The following NISCH variants were observed in gnomAD, a reference collection of about 807,000 sequenced individuals.
NISCH encodes the protein I-1 receptor candidate protein.
NISCH carries 55 observed loss-of-function variants against 138.4 expected under a neutral mutation model. That is an observed-to-expected ratio of 0.40 (90% CI 0.32 to 0.50). The LOEUF (loss-of-function observed/expected upper bound fraction) is 0.50. Among genes scored for constraint, NISCH ranks in the 20% least tolerant of loss-of-function variants. The pLI is 0.71. For synonymous variants in NISCH, 860 were observed against 861.5 expected (o/e 1.00, Z 0.03); for missense variants, 1,643 against 2,005.5 (o/e 0.82, Z 3.45).
rs572377029 is a variant in NISCH at position 52,473,337 on chromosome 3, C to T, written c.670-397C>T. Among the ~76,000 whole-genome samples the T allele has an allele frequency of 2.6e-5, 4 of 152,312 alleles. No homozygotes were observed. In the South Asian group the frequency reaches 8.3e-4, roughly 32 times the overall value. ...ACCTGTGGCCTGCCCCTCCTCACCA[C>T]AAGACAGCTCAGTTCCATGGAGTGG... On this transcript the variant is annotated intron_variant, in intron 6 of 20. Coordinates refer to ENST00000345716, the MANE Select transcript of NISCH (RefSeq NM_007184.4).
rs1181968547 is a variant in NISCH, at chr3:52,490,117, G to T, written c.3499G>T (p.Val1167Leu). ...GAGGCACCTCATGTGGTCCTCGGTG[G>T]TGTTCTACCAGACCCCAGGGCTGGA... ...ELRHLMWSSV[V>L]FYQTPGLEVT... The change falls in exon 18 of 21, where the codon GTG (valine) becomes TTG (leucine). Residue 1167 changes from valine (V) to leucine (L), a missense_variant. Physicochemically the swap from Val to Leu is conservative, Grantham distance 32 (BLOSUM62 1). Transcript: ENST00000345716. 2.5e-6 allele frequency: 4 copies of T among 1,613,534 alleles called. No individual in the cohort carries two copies. The highest frequency in any genetic ancestry group is 1.3e-5 in the African/African-American group (1 of 74,920).
chr3:52,484,462 T>TGGGGGCCCC, intron 13 of NISCH, 51 bp from the exon 14 acceptor site: 5 of 788,670 alleles, frequency 6.3e-6, no homozygotes, highest in Non-Finnish European at 9.1e-6. Context: ...ACAGCCGCTC[T>TGGGGGCCCC]CCCCGCCCCA....
chr3:52,487,608 C>G lies in NISCH; in HGVS notation c.2116C>G (p.Arg706Gly). Residue 706 changes from arginine (R) to glycine (G), a missense_variant, in exon 16 of 21, where the codon CGC (arginine) becomes GGC (glycine). Coordinates refer to ENST00000345716, the MANE Select transcript of NISCH (RefSeq NM_007184.4). This position sits in a 1 kb window ranked among gnomAD's most constrained non-coding sequence, Gnocchi z 9.1. ...ADEDFLLEHI[R>G]ILKVLWCFLI... is the part of the protein sequence containing the mutation. ...CGAGGACTTCCTGCTGGAGCACATC[C>G]GCATCCTCAAGGTGCTGTGGTGCTT... 6.2e-7 allele frequency: 1 copy of G among 1,613,916 alleles called. No homozygotes were observed. The highest frequency in any genetic ancestry group is 1.3e-5 in the African/African-American group (1 of 75,036).
chr3:52,456,537 C>T (rs1706475961), intron 1 of NISCH, among the ~76,000 whole-genome samples: 1 of 152,182 alleles, frequency 6.6e-6, no homozygotes, highest in South Asian at 2.1e-4. Context: ...CAAAAACCGG[C>T]CCTGGACTAG....
In NISCH at chr3:52,487,476, G is replaced by T. The variant is rs145761574; in HGVS notation, c.1984G>T (p.Val662Leu). The stretch of plus-strand genomic sequence containing the variant: ...CTACTTTGAAATGGGGCCCCCAGAC[G>T]TGGAGGAGGAGGAGGGAGGAGGCCA... ...NRYFEMGPPD[V>L]EEEEGGGQGE... Residue 662 changes from valine to leucine, a missense_variant, in exon 16 of 21, where the codon GTG (valine) becomes TTG (leucine). Val to Leu is a conservative substitution (Grantham distance 32). Coordinates refer to ENST00000345716, the MANE Select transcript of NISCH (RefSeq NM_007184.4). The surrounding 1 kb of genome is among the most constrained non-coding windows in gnomAD (Gnocchi z 9.1). The T allele has an allele frequency of 1.9e-6, 3 of 1,602,564 alleles. No homozygotes were observed. In the South Asian group the frequency reaches 3.3e-5, roughly 18 times the overall value.
chr3:52,456,791 T>C (rs1706485666), intron 1 of NISCH, among the ~76,000 whole-genome samples: 3 of 152,196 alleles, frequency 2.0e-5, no homozygotes, highest in Admixed American at 2.0e-4. Flanking sequence ...TCCTCAGGGC[T>C]GGAGGAGGCT....
chr3:52,469,805 C>A (rs1225113598), intron 3 of NISCH, among the ~76,000 whole-genome samples: 1 of 151,872 alleles, frequency 6.6e-6, no homozygotes, highest in Non-Finnish European at 1.5e-5. Context: ...CTACCAACTA[C>A]TTGGGAGGCT....
At chr3:52,465,115 A>G (rs1706745217) in intron 3 of NISCH, among the ~76,000 whole-genome samples, 1 of 152,200 alleles carries the variant, frequency 6.6e-6, no homozygotes, top group Admixed American at 6.5e-5. Context: ...GATTTATAAC[A>G]ATATATTCCT....
chr3:52,456,163 T>C lies in NISCH; in HGVS notation c.93+429T>C, dbSNP rs142439185. Among the ~76,000 whole-genome samples, 202 of 152,150 alleles carry C rather than the reference T, an allele frequency of 1.3e-3. 1 individual carries two copies. The highest frequency in any genetic ancestry group is 4.6e-3 in the African/African-American group (192 of 41,508). ...ATGGAATCAGGGAAAAGGGTCAGGCTTCGCAGGCCTTGAAGAAAGAGAAGG... is the reference window on the plus strand; with the variant it reads ...ATGGAATCAGGGAAAAGGGTCAGGCCTCGCAGGCCTTGAAGAAAGAGAAGG... On this transcript the variant is annotated intron_variant, in intron 1 of 20. Transcript: ENST00000345716.
Position 52,488,029 on chromosome 3 carries a change from GC to G in NISCH, c.2538del (p.Gly847AlafsTer126). The part of the protein sequence containing the change: ...RQLLTFYKVA[G>X]GCQERSQGCF... ...CTGCTCACCTTCTACAAGGTGGCTG[GC>G]GGCTGCCAGGAGCGCAGCCAGGGCT... On this transcript the variant is annotated frameshift_variant, in exon 16 of 21. Coordinates refer to ENST00000345716, the MANE Select transcript of NISCH (RefSeq NM_007184.4). LOFTEE classifies it high-confidence loss of function. The G allele has an allele frequency of 6.2e-7, 1 of 1,612,076 alleles. No individual in the cohort carries two copies. Among genetic ancestry groups the G allele is most frequent in the Non-Finnish European group, 8.5e-7 (1 of 1,179,776 alleles).
Position 52,490,784 on chromosome 3 carries a change from C to A in NISCH, c.3693C>A (p.Asp1231Glu). 6.2e-7 allele frequency: 1 copy of A among 1,614,216 alleles called. No homozygotes were observed. The change falls in exon 19 of 21, where the codon GAC (aspartate) becomes GAA (glutamate). Residue 1231 changes from aspartate (D) to glutamate (E), a missense_variant. Transcript: ENST00000345716. ...AGTGCTTCGTGCTAAAGCTTAGTGACCTGCAGTCAGTCAATGTGGGGCTTT... is the reference window on the plus strand; with the variant it reads ...AGTGCTTCGTGCTAAAGCTTAGTGAACTGCAGTCAGTCAATGTGGGGCTTT... ...ISQCFVLKLSDLQSVNVGLFD... is the reference protein window; with the variant it reads ...ISQCFVLKLSELQSVNVGLFD...
At chr3:52,483,017 G>C (rs1447906988) in intron 13 of NISCH, among the ~76,000 whole-genome samples, 1 of 152,196 alleles carries the variant, frequency 6.6e-6, no homozygotes, top group African/African-American at 2.4e-5. Context: ...CAGTGGAGGT[G>C]GTGTCTGAGG....
Position 52,487,794 on chromosome 3 carries a change from C to G in NISCH, c.2302C>G (p.Leu768Val), listed in dbSNP as rs753465486. ...RFVFCFPHGD[L>V]TEFGFLMPEL... ...TGTCTTTTGCTTCCCGCATGGCGACCTCACCGAGTTTGGCTTCCTCATGCC... is the reference window on the plus strand; with the variant it reads ...TGTCTTTTGCTTCCCGCATGGCGACGTCACCGAGTTTGGCTTCCTCATGCC... The change falls in exon 16 of 21, where the codon CTC (leucine) becomes GTC (valine). Residue 768 changes from leucine to valine, a missense_variant. By Grantham distance (32) the Leu-to-Val change is conservative. Transcript: ENST00000345716. The surrounding 1 kb of genome is among the most constrained non-coding windows in gnomAD (Gnocchi z 9.1). The G allele has an allele frequency of 6.2e-7, 1 of 1,613,564 alleles. No homozygotes were observed. The highest frequency in any genetic ancestry group is 1.1e-5 in the South Asian group (1 of 91,052).
intron 20 of NISCH, 34 bp downstream of exon 20, chr3:52,491,547 G>C (rs779601023): frequency 6.3e-7 from 1 of 1,587,676 alleles, no homozygotes; most frequent in East Asian, 2.3e-5. Flanking sequence ...CAGACAGGCT[G>C]CCTGGACAGA....
chr3:52,481,844 G>C (rs140241772), intron 13 of NISCH: 1 of 985,482 alleles, frequency 1.0e-6, no homozygotes, highest in Non-Finnish European at 1.2e-6. Context: ...GTCTGTCCCC[G>C]CCATCGCTGG....
At chr3:52,471,500 A>G (rs1457493453) in intron 4 of NISCH, 4 of 475,526 alleles carry the variant, frequency 8.4e-6, no homozygotes, top group South Asian at 4.9e-5. Context: ...TGTGTCACCC[A>G]GAATGCTGTC....
At chr3:52,472,101 C>G in intron 5 of NISCH, 124 bp downstream of exon 5, 2 of 1,138,212 alleles carry the variant, frequency 1.8e-6, no homozygotes, top group Non-Finnish European at 2.5e-6. Context: ...GAAGGCCGCC[C>G]GGTTATTCTT....
In NISCH at chr3:52,489,336, C is replaced by A. The variant is rs868388814; in HGVS notation, c.3114C>A (p.Ser1038Arg). 12 of 1,611,072 alleles carry A rather than the reference C, an allele frequency of 7.4e-6. No homozygotes were observed. In the African/African-American group the frequency reaches 1.6e-4, roughly 22 times the overall value. Reference sequence around the variant, plus strand: ...ATATGGTGTTTTTCGGGGGATACAGCAATGACCAGCGTCCCCAGGAGGTCC... The same window carrying A: ...ATATGGTGTTTTTCGGGGGATACAGAAATGACCAGCGTCCCCAGGAGGTCC... ...ADGQPAERRA[S>R]NDQRPQEVPA... Residue 1038 changes from serine (S) to arginine (R), a missense_variant and splice_region_variant, in exon 17 of 21, where the codon AGC becomes AGA. Physicochemically the swap from Ser to Arg is moderately radical, Grantham distance 110 (BLOSUM62 -1). Transcript: ENST00000345716.
Position 52,490,857 on chromosome 3 carries a change from C to T in NISCH, c.3742+24C>T, listed in dbSNP as rs562840859. The T allele has an allele frequency of 9.3e-6, 15 of 1,613,314 alleles. No homozygotes were observed. In the South Asian group the frequency reaches 1.6e-4, roughly 18 times the overall value. On this transcript the variant is annotated intron_variant, in intron 19 of 20. Coordinates refer to ENST00000345716, the MANE Select transcript of NISCH (RefSeq NM_007184.4). ...GGGTGGGTGACCCTCTGTGCTTTGT[C>T]CTATTTCGGGTGAAGGCCAGCATCA...
Sources: gnomAD v4.1 joint callset for allele counts (sites outside exome capture counted in the v4.1 genomes callset) on GRCh38, gnomAD v4.1.1 for gene constraint, Gnocchi (gnomAD v3.1) non-coding constraint, MANE v1.5 for transcripts, NCBI Gene and HGNC (gene_info 2026-07-23, HGNC 2026-07-21) for gene names.